ARHGAP26: variants seen among roughly 807,000 people sequenced by gnomAD.
ARHGAP26 encodes the protein rho GTPase-activating protein 26.
A neutral mutation model predicts 104.8 loss-of-function variants in ARHGAP26; 38 were observed. That is an observed-to-expected ratio of 0.36 (90% CI 0.28 to 0.48). The LOEUF is 0.48. Among genes scored for constraint, ARHGAP26 ranks in the 20% least tolerant of loss-of-function variants. ARHGAP26 has a pLI of 0.99. For missense variants in ARHGAP26, 704 were observed against 947.9 expected, an observed-to-expected ratio of 0.74 and a Z score of 3.38; for synonymous variants, 341 against 340.0, an observed-to-expected ratio of 1.00 and a Z score of -0.03.
intron 12 of ARHGAP26, among the ~76,000 whole-genome samples, chr5:143,016,867 TTCTTAGC>T (rs1562267933): frequency 6.6e-6 from 1 of 152,158 alleles, no homozygotes; most frequent in African/African-American, 2.4e-5. Context: ...ATGGTACAGG[TTCTTAGC>T]TTCCCCTCCT....
chr5:143,036,918 TGAA>T (rs1782737497), intron 12 of ARHGAP26, among the ~76,000 whole-genome samples: 1 of 152,200 alleles, frequency 6.6e-6, no homozygotes, highest in Non-Finnish European at 1.5e-5. Context: ...ACCTGTAAAT[TGAA>T]GATAATTTTA....
chr5:142,841,835 A>G (rs1454840464), intron 1 of ARHGAP26, among the ~76,000 whole-genome samples: 2 of 152,260 alleles, frequency 1.3e-5, no homozygotes, highest in African/African-American at 4.8e-5. Flanking sequence ...ACAGAAATCC[A>G]TAGAGAGATT....
intron 11 of ARHGAP26, among the ~76,000 whole-genome samples, chr5:142,992,498 A>T (rs939868049): frequency 6.6e-6 from 1 of 151,376 alleles, no homozygotes; most frequent in South Asian, 2.1e-4. Context: ...CAGTGGCGTA[A>T]TCTCTGCTCA....
chr5:143,058,868 T>G (rs1004667921), intron 17 of ARHGAP26, among the ~76,000 whole-genome samples: 8 of 152,230 alleles, frequency 5.3e-5, no homozygotes, highest in African/African-American at 1.9e-4. Flanking sequence ...AAGCCACAGT[T>G]GCTCCATTAT....
chr5:142,770,650 A>C lies in ARHGAP26; in HGVS notation c.-112A>C. ...GAGTGAGCCAGCGCCACACCTGTGGAGCCGGCGGCCGTCGGGGGAGCCGGC... is the reference window on the plus strand; with the variant it reads ...GAGTGAGCCAGCGCCACACCTGTGGCGCCGGCGGCCGTCGGGGGAGCCGGC... On this transcript the variant is annotated 5_prime_UTR_variant, in exon 1 of 23. Transcript: ENST00000645722. The C allele has an allele frequency of 1.3e-6, 1 of 781,974 alleles. No individual in the cohort carries two copies. The highest frequency in any genetic ancestry group is 1.6e-6 in the Non-Finnish European group (1 of 633,268). 48.4% of individuals were successfully genotyped at this position (781,974 alleles called of 1,614,324 possible). A position where few individuals can be genotyped will look rare whatever the true frequency, so the allele number is the denominator to read the frequency against.
At chr5:142,966,296 T>C (rs1365968603) in intron 11 of ARHGAP26, among the ~76,000 whole-genome samples, 1 of 152,236 alleles carries the variant, frequency 6.6e-6, no homozygotes, top group African/African-American at 2.4e-5. Context: ...ATTCCGTGAC[T>C]AATTTCCTCC....
At chr5:143,101,167 C>T (rs892083051) in intron 17 of ARHGAP26, among the ~76,000 whole-genome samples, 2 of 152,088 alleles carry the variant, frequency 1.3e-5, no homozygotes, top group African/African-American at 4.8e-5. Context: ...ACTGAGAATG[C>T]GTCATATGCC....
intron 15 of ARHGAP26, among the ~76,000 whole-genome samples, chr5:143,055,088 T>C (rs1785604003): frequency 6.6e-6 from 1 of 152,156 alleles, no homozygotes; most frequent in African/African-American, 2.4e-5. Context: ...TTATTAAAGG[T>C]TGGGTTATTG....
Position 143,214,038 on chromosome 5 carries a change from C to T in ARHGAP26, c.2141C>T (p.Ala714Val). ...RKAKALYACK[A>V]EHDSELSFTA... ...GCAAAAGCCTTGTATGCCTGCAAAG[C>T]TGAACATGACTCAGAACTTTCGTTC... Residue 714 changes from alanine to valine, a missense_variant, in exon 22 of 23, where the codon GCT becomes GTT. By Grantham distance (64) the Ala-to-Val change is moderately conservative. This residue lies in a region of ARHGAP26 where 217 missense variants were observed against 242.6 expected (regional missense o/e 0.89). Coordinates refer to ENST00000645722, the MANE Select transcript of ARHGAP26 (RefSeq NM_001135608.3). 1 of 1,595,738 alleles carries T rather than the reference C, an allele frequency of 6.3e-7. No homozygotes were observed. The highest frequency in any genetic ancestry group is 8.6e-7 in the Non-Finnish European group (1 of 1,168,546).
chr5:142,967,116 A>T (rs1771498124), intron 11 of ARHGAP26, among the ~76,000 whole-genome samples: 1 of 151,998 alleles, frequency 6.6e-6, no homozygotes, highest in Admixed American at 6.6e-5. Flanking sequence ...AGGATGGCAA[A>T]TTTTTTTTAA....
In ARHGAP26 at chr5:142,919,135, TGATAGA is replaced by T. The variant is rs1762868905; in HGVS notation, c.1028+5847_1028+5852del. ...AATGTTGCCTTATTTGGAGATTACT[TGATAGA>T]GATAATCAAGTTAAAATGACGTCAT... On this transcript the variant is annotated intron_variant, in intron 10 of 22. Transcript: ENST00000645722. 8 of 397,858 alleles carry T rather than the reference TGATAGA, an allele frequency of 2.0e-5. No individual in the cohort carries two copies. The East Asian group carries it at 2.8e-4, about 14-fold the overall frequency. The allele number at this position is 397,858 out of a possible 1,614,324, so 24.6% of individuals were successfully genotyped here.
At chr5:142,999,478 T>C (rs1480736347) in intron 11 of ARHGAP26, among the ~76,000 whole-genome samples, 3 of 152,150 alleles carry the variant, frequency 2.0e-5, no homozygotes, top group Non-Finnish European at 4.4e-5. Flanking sequence ...GGGTTAAGGC[T>C]ACTTTTTCCT....
chr5:142,858,775 T>G (rs1341139558), intron 1 of ARHGAP26, among the ~76,000 whole-genome samples: 1 of 152,106 alleles, frequency 6.6e-6, no homozygotes, highest in African/African-American at 2.4e-5. Context: ...AGAAAGGGAA[T>G]TCTGGGGAGC....
chr5:142,783,197 C>A (rs529733719), intron 1 of ARHGAP26, among the ~76,000 whole-genome samples: 1 of 152,360 alleles, frequency 6.6e-6, no homozygotes, highest in East Asian at 1.9e-4. Flanking sequence ...TGCATTACTG[C>A]AGGCCTAGGA....
intron 17 of ARHGAP26, among the ~76,000 whole-genome samples, chr5:143,115,691 A>G (rs1795352462): frequency 6.6e-6 from 1 of 152,190 alleles, no homozygotes. Flanking sequence ...ATTTCATGCT[A>G]AGGGATTTAC....
At chr5:142,883,322 G>A (rs1474715875) in intron 4 of ARHGAP26, among the ~76,000 whole-genome samples, 1 of 152,190 alleles carries the variant, frequency 6.6e-6, no homozygotes, top group Non-Finnish European at 1.5e-5. Context: ...TTTGGAGTTG[G>A]AGCCCCAGTT....
chr5:142,788,111 G>A (rs933871722), intron 1 of ARHGAP26, among the ~76,000 whole-genome samples: 18 of 150,376 alleles, frequency 1.2e-4, no homozygotes, highest in African/African-American at 4.4e-4. Context: ...AGTGATTCTC[G>A]TGCCTCAGCC....
Position 143,037,203 on chromosome 5 carries a change from G to A in ARHGAP26, c.1152G>A (p.Gln384=), listed in dbSNP as rs1782795007. ...CTTCTCTTGCTCTTTCAGCTGCGCA[G>A]TTGGACAGCATTGGCTTCAGCATAA... is the stretch of plus-strand genomic sequence containing the variant. ...NKDSQSEGTA[Q]LDSIGFSIIR... The change falls in exon 13 of 23, where the codon CAG becomes CAA. Residue 384 remains glutamine, a synonymous_variant. Coordinates refer to ENST00000645722, the MANE Select transcript of ARHGAP26 (RefSeq NM_001135608.3). The A allele has an allele frequency of 6.2e-7, 1 of 1,602,290 alleles. No homozygotes were observed. Among genetic ancestry groups the A allele is most frequent in the South Asian group, 1.1e-5 (1 of 90,092 alleles).
At chr5:143,016,606 G>C (rs1437796318) in intron 12 of ARHGAP26, among the ~76,000 whole-genome samples, 1 of 151,684 alleles carries the variant, frequency 6.6e-6, no homozygotes, top group Non-Finnish European at 1.5e-5. Flanking sequence ...AGGAAGCTGA[G>C]GCAGGAGAAT....
Sources: allele counts gnomAD v4.1 joint callset (sites outside exome capture counted in the v4.1 genomes callset), GRCh38; gene constraint gnomAD v4.1.1; regional missense constraint gnomAD v4.1.1; transcripts MANE v1.5; gene names NCBI Gene and HGNC (gene_info 2026-07-23, HGNC 2026-07-21).